The following GGPS1 variants were observed in gnomAD, a reference collection of about 807,000 sequenced individuals.
GGPS1 encodes the protein geranylgeranyl pyrophosphate synthase.
In GGPS1, 15 loss-of-function variants were observed where a neutral mutation model predicts 28.1. The ratio of observed to expected loss-of-function variants is 0.53; its 90% CI spans 0.36 to 0.82. GGPS1 has a LOEUF of 0.82. GGPS1 is among the 40% of genes least tolerant of loss of function. The pLI, the probability that GGPS1 is intolerant of heterozygous loss-of-function variation, is 0.01. For synonymous variants in GGPS1, 138 were observed against 122.4 expected, an observed-to-expected ratio of 1.13 and a Z score of -0.84; for missense variants, 284 against 348.3, an observed-to-expected ratio of 0.82 and a Z score of 1.47.
Position 235,342,769 on chromosome 1 carries a change from A to G in GGPS1, c.900A>G (p.Glu300=), listed in dbSNP as rs768896505. 34 of 1,570,552 alleles carry G rather than the reference A, an allele frequency of 2.2e-5. No homozygotes were observed. The highest frequency in any genetic ancestry group is 2.3e-5 in the Non-Finnish European group (27 of 1,159,252). ...HLSKMFKEEN[E] ...GTAAGATGTTCAAAGAAGAAAATGA[A>G]TAATGTTAAGCCATTCTTGATTGGA... The change falls in exon 4 of 4, where the codon GAA becomes GAG. Residue 300 remains glutamate, a synonymous_variant. Coordinates refer to ENST00000282841, the MANE Select transcript of GGPS1 (RefSeq NM_004837.4).
rs1055455549 is a variant in GGPS1, at chr1:235,342,908, T to C, written c.*136T>C. 3.3e-5 allele frequency: 20 copies of C among 601,890 alleles called. No homozygotes were observed. Among genetic ancestry groups the C allele is most frequent in the Non-Finnish European group, 5.9e-5 (20 of 339,530 alleles). The allele number at this position is 601,890 out of a possible 1,614,324, so 37.3% of individuals were successfully genotyped here. Reference sequence around the variant, plus strand: ...GGTGAGTAGGGGTGGTGCAAGTGAATTCGTTTTCATTTAGAAGCCCCTCTG... The same window carrying C: ...GGTGAGTAGGGGTGGTGCAAGTGAACTCGTTTTCATTTAGAAGCCCCTCTG... On this transcript the variant is annotated 3_prime_UTR_variant, in exon 4 of 4. Coordinates refer to ENST00000282841, the MANE Select transcript of GGPS1 (RefSeq NM_004837.4).
At chr1:235,341,358 C>CA (rs1158193470) in intron 2 of GGPS1, among the ~76,000 whole-genome samples, 2 of 151,942 alleles carry the variant, frequency 1.3e-5, no homozygotes, top group Non-Finnish European at 2.9e-5. Context: ...GCTTCCTTTT[C>CA]AAAAAAAGAA....
At chr1:235,327,538 C>G (rs1675401172), upstream of GGPS1, 1 of 152,248 alleles carries the variant, frequency 6.6e-6, no homozygotes, top group African/African-American at 2.4e-5. Flanking sequence ...GGCCCCCACC[C>G]TGCCCGGGCC....
intron 2 of GGPS1, among the ~76,000 whole-genome samples, chr1:235,339,993 A>T (rs1019942994): frequency 6.7e-6 from 1 of 149,372 alleles, no homozygotes; most frequent in African/African-American, 2.5e-5. Flanking sequence ...TTAGCCACGC[A>T]TGGTGGCACA....
Position 235,342,163 on chromosome 1 carries a change from T to C in GGPS1, c.294T>C (p.Leu98=), listed in dbSNP as rs985046305. The change falls in exon 4 of 4, where the codon CTT becomes CTC. Residue 98 remains leucine (L), a synonymous_variant. Transcript: ENST00000282841. The part of the protein sequence containing the change: ...VINSANYVYF[L]GLEKVLTLDH... ...ATTCTGCCAATTACGTGTATTTCCT[T>C]GGCTTGGAGAAAGTCTTAACCCTTG... 1 of 1,614,170 alleles carries C rather than the reference T, an allele frequency of 6.2e-7. No individual in the cohort carries two copies. Among genetic ancestry groups the C allele is most frequent in the Non-Finnish European group, 8.5e-7 (1 of 1,180,026 alleles).
chr1:235,338,345 G>A (rs986958908), intron 2 of GGPS1, among the ~76,000 whole-genome samples: 4 of 151,414 alleles, frequency 2.6e-5, no homozygotes, highest in African/African-American at 9.7e-5. Flanking sequence ...TCACACCACT[G>A]CACCCCAGCC....
At chr1:235,328,563 C>T (rs1166837131), upstream of GGPS1, 1 of 152,776 alleles carries the variant, frequency 6.5e-6, no homozygotes, top group African/African-American at 2.4e-5. Context: ...GGCAACGACG[C>T]CTGCGCAGTG....
At chr1:235,334,728 A>G (rs949881586) in intron 1 of GGPS1, among the ~76,000 whole-genome samples, 1 of 152,162 alleles carries the variant, frequency 6.6e-6, no homozygotes, top group Non-Finnish European at 1.5e-5. Flanking sequence ...TCAAGGCTTC[A>G]TAGCTGTAGA....
chr1:235,333,138 C>CTG (rs1675769001), intron 1 of GGPS1, among the ~76,000 whole-genome samples: 4 of 151,520 alleles, frequency 2.6e-5, no homozygotes, highest in Non-Finnish European at 4.4e-5. Flanking sequence ...CCCACACCCC[C>CTG]TTAGTTGTGA....
chr1:235,340,167 T>C (rs1472787517), intron 2 of GGPS1, among the ~76,000 whole-genome samples: 1 of 151,980 alleles, frequency 6.6e-6, no homozygotes, highest in Non-Finnish European at 1.5e-5. Context: ...TCTTGAGCTT[T>C]CCGTGTAAGA....
At chr1:235,339,588 T>C (rs1675968359) in intron 2 of GGPS1, among the ~76,000 whole-genome samples, 1 of 151,768 alleles carries the variant, frequency 6.6e-6, no homozygotes, top group Admixed American at 6.6e-5. Flanking sequence ...AGTGAAACCC[T>C]GTCTCTACTA....
intron 1 of GGPS1, among the ~76,000 whole-genome samples, 181 bp from the exon 2 acceptor site, chr1:235,335,061 C>T (rs6701259): frequency 0.03 from 4,544 of 152,186 alleles, 169 homozygotes; most frequent in African/African-American, 0.088. Context: ...GCTATCCGCC[C>T]GCCTCAGCCT....
chr1:235,333,914 A>G (rs1269198961), intron 1 of GGPS1, among the ~76,000 whole-genome samples: 1 of 152,198 alleles, frequency 6.6e-6, no homozygotes, highest in East Asian at 1.9e-4. Flanking sequence ...ACTTCCCAAA[A>G]TGTGCCAAAG....
In GGPS1 at chr1:235,341,655, TACTC is replaced by T. The variant is rs1215831757; in HGVS notation, c.71-51_71-48del. The stretch of plus-strand genomic sequence containing the variant: ...CTGAATGTGTTTTTTGTAGTTAAAA[TACTC>T]ATAATTAAAACACTTATCACATTGT... On this transcript the variant is annotated intron_variant, in intron 2 of 3. Transcript: ENST00000282841. 18 of 982,910 alleles carry T rather than the reference TACTC, an allele frequency of 1.8e-5. No homozygotes were observed. In the South Asian group the frequency reaches 2.1e-4, roughly 11 times the overall value. 60.9% of individuals were successfully genotyped at this position (982,910 alleles called of 1,614,324 possible). A position where few individuals can be genotyped will look rare whatever the true frequency, so the allele number is the denominator to read the frequency against.
Position 235,342,905 on chromosome 1 carries a change from G to A in GGPS1, c.*133G>A. 1.6e-6 allele frequency: 1 copy of A among 608,498 alleles called. No homozygotes were observed. Among genetic ancestry groups the A allele is most frequent in the East Asian group, 2.8e-5 (1 of 35,314 alleles). 37.7% of individuals were successfully genotyped at this position (608,498 alleles called of 1,614,324 possible). On this transcript the variant is annotated 3_prime_UTR_variant, in exon 4 of 4. Transcript: ENST00000282841. The stretch of plus-strand genomic sequence containing the variant: ...ATAGGTGAGTAGGGGTGGTGCAAGT[G>A]AATTCGTTTTCATTTAGAAGCCCCT...
intron 2 of GGPS1, 124 bp downstream of exon 2, chr1:235,335,458 G>A: frequency 1.9e-6 from 1 of 533,288 alleles, no homozygotes; most frequent in South Asian, 2.5e-5. Context: ...TGATGCGTAT[G>A]AGAAAAATGA....
chr1:235,328,645 T>C lies in GGPS1; in HGVS notation c.-157T>C, dbSNP rs576234143. The C allele has an allele frequency of 6.5e-6, 1 of 153,158 alleles. No individual in the cohort carries two copies. The highest frequency in any genetic ancestry group is 2.4e-5 in the African/African-American group (1 of 41,576). 9.5% of individuals were successfully genotyped at this position (153,158 alleles called of 1,614,324 possible). A position where few individuals can be genotyped will look rare whatever the true frequency, so the allele number is the denominator to read the frequency against. On this transcript the variant is annotated 5_prime_UTR_variant, in exon 1 of 4. Transcript: ENST00000282841. ...GGCGGCTGAGGAGGGCGGAGAGTTC[T>C]GTGGTGAAATAGTGGGAAGGATTCA...
At chr1:235,331,701 G>A (rs1187670489) in intron 1 of GGPS1, among the ~76,000 whole-genome samples, 1 of 151,028 alleles carries the variant, frequency 6.6e-6, no homozygotes. Flanking sequence ...CCCATGAGAT[G>A]GTTTACAGTA....
intron 2 of GGPS1, among the ~76,000 whole-genome samples, chr1:235,337,359 AAAT>A (rs1675902949): frequency 6.6e-5 from 10 of 152,188 alleles, no homozygotes; most frequent in Admixed American, 6.5e-4. Context: ...CATTACTTGG[AAAT>A]AATGTTTTAA....
Sources: gnomAD v4.1 joint callset for allele counts (sites outside exome capture counted in the v4.1 genomes callset) on GRCh38, gnomAD v4.1.1 for gene constraint, MANE v1.5 for transcripts, NCBI Gene and HGNC (gene_info 2026-07-23, HGNC 2026-07-21) for gene names.